GOLGA8M: variants seen among roughly 807,000 people sequenced by gnomAD.
GOLGA8M encodes the protein golgin subfamily A member 8M.
Under a neutral mutation model 87.7 loss-of-function variants are expected in GOLGA8M, and 34 were observed. The observed-to-expected ratio is 0.39, with a 90% CI of 0.29 to 0.52. The LOEUF is 0.52. Among genes scored for constraint, GOLGA8M ranks in the 20% least tolerant of loss-of-function variants. GOLGA8M has a pLI of 0.80. For synonymous variants in GOLGA8M, 138 were observed against 250.2 expected (o/e 0.55, Z 4.23); for missense variants, 396 against 682.2 (o/e 0.58, Z 4.67).
At chr15:28,706,756 T>G in intron 8 of GOLGA8M, 57 bp from the exon 9 acceptor site, 1 of 1,459,996 alleles carries the variant, frequency 6.8e-7, no homozygotes, top group Middle Eastern at 2.4e-4. Flanking sequence ...TTCCACACAG[T>G]GCCCCTTAAC....
intron 15 of GOLGA8M, 95 bp from the exon 16 acceptor site, chr15:28,702,840 G>T: frequency 1.3e-6 from 2 of 1,562,710 alleles, no homozygotes; most frequent in Non-Finnish European, 1.7e-6. Context: ...TCCTGGCATG[G>T]GCCAGCTTCT....
At chr15:28,708,284 C>T (rs1228551887) in intron 5 of GOLGA8M, 91 bp downstream of exon 5, 1 of 1,611,604 alleles carries the variant, frequency 6.2e-7, no homozygotes, top group South Asian at 1.1e-5. Flanking sequence ...CCCATGGGAC[C>T]AGGTTATCGG....
At chr15:28,702,863 G>C (rs1463351503) in intron 15 of GOLGA8M, 118 bp from the exon 16 acceptor site, 22 of 1,548,818 alleles carry the variant, frequency 1.4e-5, no homozygotes, top group Non-Finnish European at 1.9e-5. Context: ...GTGACTTCCT[G>C]CAGGGCCCAG....
In GOLGA8M at chr15:28,702,718, T is replaced by C. The variant is rs888322435; in HGVS notation, c.1396A>G (p.Lys466Glu). 1 of 1,601,912 alleles carries C rather than the reference T, an allele frequency of 6.2e-7. No homozygotes were observed. Among genetic ancestry groups the C allele is most frequent in the African/African-American group, 1.3e-5 (1 of 74,194 alleles). ...MSSFMDHLEE[K>E]ADLSELVKKQ... is the part of the protein sequence containing the mutation. Reference sequence around the variant, plus strand: ...TTCACAAGCTCACTCAGGTCTGCCTTCTCCTCCAGGTGGTCCATAAAGCTG... The same window carrying C: ...TTCACAAGCTCACTCAGGTCTGCCTCCTCCTCCAGGTGGTCCATAAAGCTG... The change falls in exon 16 of 19, where the codon AAG becomes GAG. Residue 466 changes from lysine (K) to glutamate (E), a missense_variant. Physicochemically the swap from Lys to Glu is moderately conservative, Grantham distance 56. Around this residue, in one of 12 missense-constraint regions of GOLGA8M, gnomAD observed 173 missense variants for 150.2 expected, o/e 1.15. Transcript: ENST00000563027.
intron 13 of GOLGA8M, 126 bp downstream of exon 13, chr15:28,705,033 G>T (rs1419093901): frequency 6.8e-7 from 1 of 1,468,402 alleles, no homozygotes. Context: ...GGACTGCCCT[G>T]GGGGGTGCTG....
chr15:28,712,112 G>A (rs1366222459), intron 1 of GOLGA8M, 164 bp downstream of exon 1: 46 of 977,336 alleles, frequency 4.7e-5, no homozygotes, highest in Non-Finnish European at 5.6e-5. Flanking sequence ...GCTTTCTGAA[G>A]GGGTGGGGCT....
rs1490306710 is a variant in GOLGA8M at position 28,711,327 on chromosome 15, C to G, written c.49-721G>C. ...GATGAGCAAATGTCACTTCAGAGAC[C>G]ACTGACTGAAGGAGAGTCTGGTCCC... On this transcript the variant is annotated intron_variant, in intron 1 of 18. Transcript: ENST00000563027. The G allele has an allele frequency of 2.6e-5, 4 of 155,858 alleles. No homozygotes were observed. In the East Asian group the frequency reaches 7.7e-4, roughly 30 times the overall value. 9.7% of individuals were successfully genotyped at this position (155,858 alleles called of 1,614,324 possible).
At chr15:28,711,987 A>C in intron 1 of GOLGA8M, 1 of 984,954 alleles carries the variant, frequency 1.0e-6, no homozygotes, top group Non-Finnish European at 1.2e-6. Context: ...CAAAGAGCCC[A>C]GGGAGATCAA....
rs756593331 is a variant in GOLGA8M at position 28,702,335 on chromosome 15, C to G, written c.1602G>C (p.Ala534=). ...GCCCATTGTTGTAGTTGCTGTAAGC[C>G]GCAATACCATCTGCTGCAGCTCCAG... ...EAAGAAADGI[A]AYSNYNNGHR... The change falls in exon 18 of 19, where the codon GCG becomes GCC. Residue 534 remains alanine, a synonymous_variant. Transcript: ENST00000563027. 2.6e-6 allele frequency: 4 copies of G among 1,529,332 alleles called. No homozygotes were observed. The South Asian group carries it at 4.8e-5, about 18-fold the overall frequency. 94.7% of individuals were successfully genotyped at this position (1,529,332 alleles called of 1,614,324 possible). A position where few individuals can be genotyped will look rare whatever the true frequency, so the allele number is the denominator to read the frequency against.
At position 28,700,898 on chromosome 15, in the gene GOLGA8M, T is replaced by C. The variant is rs1211474722; in HGVS notation, c.*1056A>G. ...CTCTAATTCATTCTTGACTAGAGCC[T>C]GTATGCCTGTTCCAGGGACGTTTGA... On this transcript the variant is annotated 3_prime_UTR_variant, in exon 19 of 19. Transcript: ENST00000563027. 6.6e-6 allele frequency among the ~76,000 whole-genome samples: 1 copy of C among 152,120 alleles called. No individual in the cohort carries two copies. Among genetic ancestry groups the C allele is most frequent in the Non-Finnish European group, 1.5e-5 (1 of 68,026 alleles).
chr15:28,711,907 G>A (rs1371600549), intron 1 of GOLGA8M: 13 of 985,022 alleles, frequency 1.3e-5, no homozygotes, highest in Non-Finnish European at 1.6e-5. Context: ...GGAGCCCCAG[G>A]AGTCACCAGC....
At chr15:28,713,149 C>T (rs2080236620), upstream of GOLGA8M, among the ~76,000 whole-genome samples, 2 of 151,482 alleles carry the variant, frequency 1.3e-5, no homozygotes, top group Non-Finnish European at 2.9e-5. Context: ...ACCATCCTGG[C>T]TAACACGGTG....
At chr15:28,707,183 G>C (rs1219794886) in intron 8 of GOLGA8M, among the ~76,000 whole-genome samples, 1 of 135,826 alleles carries the variant, frequency 7.4e-6, no homozygotes, top group Non-Finnish European at 1.5e-5. Context: ...GGGGATGGGG[G>C]CACAGATAGG....
chr15:28,705,155 TC>T lies in GOLGA8M; in HGVS notation c.1200+3del, dbSNP rs1489543628. On this transcript the variant is annotated splice_donor_region_variant and intron_variant, in intron 13 of 18. Transcript: ENST00000563027. ...GATGGGGTGGAGGTTTCCGACTCCT[TC>T]ACCTCGCCAAGCTTCTCCTGTAGCT... is the stretch of plus-strand genomic sequence containing the variant. 1 of 1,598,248 alleles carries T rather than the reference TC, an allele frequency of 6.3e-7. No homozygotes were observed. The highest frequency in any genetic ancestry group is 1.3e-5 in the African/African-American group (1 of 74,824).
chr15:28,704,039 C>T lies in GOLGA8M; in HGVS notation c.1201-122G>A, dbSNP rs923386910. ...ACTTTTGGCAGGCCATATCGGCCAC[C>T]GCTTTGCCTCAAGCTTCCTGCTACT... On this transcript the variant is annotated intron_variant, in intron 13 of 18. Transcript: ENST00000563027. 297 of 1,544,486 alleles carry T rather than the reference C, an allele frequency of 1.9e-4. 10 individuals carry two copies. The Middle Eastern group carries it at 3.6e-3, about 19-fold the overall frequency.
chr15:28,698,966 G>A lies in GOLGA8M; in HGVS notation c.*2988C>T, dbSNP rs1490851895. 2.8e-5 allele frequency among the ~76,000 whole-genome samples: 4 copies of A among 142,876 alleles called. No homozygotes were observed. Among genetic ancestry groups the A allele is most frequent in the Non-Finnish European group, 6.0e-5 (4 of 67,188 alleles). 93.7% of individuals were successfully genotyped at this position (142,876 alleles called of 152,430 possible). A position where few individuals can be genotyped will look rare whatever the true frequency, so the allele number is the denominator to read the frequency against. ...ATTGGCATTTCTTTCTCTGCTTTTC[G>A]TTCCCACTGTTTCTTTCTTTTATAC... On this transcript the variant is annotated 3_prime_UTR_variant, in exon 19 of 19. Transcript: ENST00000563027.
At chr15:28,706,835 G>C in intron 8 of GOLGA8M, 136 bp from the exon 9 acceptor site, 1 of 798,678 alleles carries the variant, frequency 1.3e-6, no homozygotes, top group Non-Finnish European at 2.0e-6. Context: ...CCCGTGGTCT[G>C]GTTTTTAAAA....
In GOLGA8M at chr15:28,704,685, C is replaced by G. The variant is rs1415010386; in HGVS notation, c.1200+474G>C. Among the ~76,000 whole-genome samples the G allele has an allele frequency of 2.1e-5, 3 of 142,630 alleles. 1 individual carries two copies. Among genetic ancestry groups the G allele is most frequent in the Admixed American group, 1.5e-4 (2 of 13,216 alleles). The allele number at this position is 142,630 out of a possible 152,430, so 93.6% of individuals were successfully genotyped here. Reference sequence around the variant, plus strand: ...CTCCACCTCCTGGGTTGAAGCAATTCTCATGCCTCAGCCTCCCGAGTAGGT... The same window carrying G: ...CTCCACCTCCTGGGTTGAAGCAATTGTCATGCCTCAGCCTCCCGAGTAGGT... On this transcript the variant is annotated intron_variant, in intron 13 of 18. Coordinates refer to ENST00000563027, the MANE Select transcript of GOLGA8M (RefSeq NM_001282468.3).
In GOLGA8M at chr15:28,706,755, G is replaced by C. The variant is rs1027401031; in HGVS notation, c.592-56C>G. ...TGGAGAGCCTGGGCATTTCCACACA[G>C]TGCCCCTTAACAGGGCTCGGGCTAG... is the stretch of plus-strand genomic sequence containing the variant. On this transcript the variant is annotated intron_variant, in intron 8 of 18. Coordinates refer to ENST00000563027, the MANE Select transcript of GOLGA8M (RefSeq NM_001282468.3). The C allele has an allele frequency of 4.2e-5, 61 of 1,455,176 alleles. 1 individual carries two copies. Among genetic ancestry groups the C allele is most frequent in the Non-Finnish European group, 5.6e-5 (60 of 1,069,100 alleles). The allele number at this position is 1,455,176 out of a possible 1,614,324, so 90.1% of individuals were successfully genotyped here.
Sources: allele counts gnomAD v4.1 joint callset (sites outside exome capture counted in the v4.1 genomes callset), GRCh38; gene constraint gnomAD v4.1.1; regional missense constraint gnomAD v4.1.1; transcripts MANE v1.5; gene names NCBI Gene and HGNC (gene_info 2026-07-23, HGNC 2026-07-21).